The following ABCC3 variants were observed in gnomAD, a reference collection of about 807,000 sequenced individuals.
The protein encoded by ABCC3 is ATP-binding cassette sub-family C member 3.
A neutral mutation model predicts 165.3 loss-of-function variants in ABCC3; 121 were observed. That is an observed-to-expected ratio of 0.73 (90% CI 0.63 to 0.85). The LOEUF is 0.85. Ranked by LOEUF, ABCC3 falls within the 40% of genes least tolerant of loss-of-function variation. The pLI is 0.00. For synonymous variants in ABCC3, 733 were observed against 810.1 expected, an observed-to-expected ratio of 0.90 and a Z score of 1.62; for missense variants, 1,869 against 1,964.1, an observed-to-expected ratio of 0.95 and a Z score of 0.92.
chr17:50,646,693 G>C (rs1156431243), intron 1 of ABCC3, among the ~76,000 whole-genome samples: 1 of 152,206 alleles, frequency 6.6e-6, no homozygotes, highest in Admixed American at 6.5e-5. Context: ...GGAATCTGAA[G>C]GGAAGAGACC....
chr17:50,655,069 C>T (rs1967196331), intron 1 of ABCC3, among the ~76,000 whole-genome samples: 1 of 129,840 alleles, frequency 7.7e-6, no homozygotes, highest in Non-Finnish European at 1.6e-5. Flanking sequence ...CACTGCACTC[C>T]AGCCTGGGCG....
At chr17:50,674,022 C>T (rs796897977) in intron 19 of ABCC3, among the ~76,000 whole-genome samples, 1,340 of 6,898 alleles carry the variant, frequency 0.19, 525 homozygotes, top group Non-Finnish European at 0.28. Flanking sequence ...CTCTCTCTCT[C>T]TCTCTCTCTC....
intron 26 of ABCC3, among the ~76,000 whole-genome samples, chr17:50,680,784 C>G (rs1210401307): frequency 6.6e-6 from 1 of 152,124 alleles, no homozygotes; most frequent in African/African-American, 2.4e-5. Context: ...CACTTAAAAC[C>G]TTGCAGGAGG....
At chr17:50,673,911 T>TCTTTCTTC (rs1567835411) in intron 19 of ABCC3, among the ~76,000 whole-genome samples, 17 of 12,056 alleles carry the variant, frequency 1.4e-3, no homozygotes, top group African/African-American at 6.5e-3. Flanking sequence ...TTTCTTTCTT[T>TCTTTCTTC]CTTTCTTTCT....
rs752998974 is a variant in ABCC3 at position 50,679,845 on chromosome 17, A to G, written c.3753A>G (p.Glu1251=). The G allele has an allele frequency of 1.2e-6, 2 of 1,614,182 alleles. No homozygotes were observed. Among genetic ancestry groups the G allele is most frequent in the Non-Finnish European group, 8.5e-7 (1 of 1,180,036 alleles). The change falls in exon 26 of 31, where the codon GAA becomes GAG. Residue 1251 remains glutamate, a synonymous_variant. Coordinates refer to ENST00000285238, the MANE Select transcript of ABCC3 (RefSeq NM_003786.4). ...TGATACGAATGATGTCAGATTTGGAATCTAACATCGTGGCTGTGGAGAGGG... is the reference window on the plus strand; with the variant it reads ...TGATACGAATGATGTCAGATTTGGAGTCTAACATCGTGGCTGTGGAGAGGG... ...NWMIRMMSDL[E]SNIVAVERVK...
In ABCC3 at chr17:50,677,833, T is replaced by C. The variant is rs1057150659; in HGVS notation, c.3468T>C (p.Thr1156=). The change falls in exon 24 of 31, where the codon ACT becomes ACC. Residue 1156 remains threonine (T), a synonymous_variant. Coordinates refer to ENST00000285238, the MANE Select transcript of ABCC3 (RefSeq NM_003786.4). ...ACTCCCACTTTTCGGAGACAGTGACTGGTGCCAGTGTCATCCGGGCCTACA... is the reference window on the plus strand; with the variant it reads ...ACTCCCACTTTTCGGAGACAGTGACCGGTGCCAGTGTCATCCGGGCCTACA... ...PIYSHFSETV[T]GASVIRAYNR... is the part of the protein sequence containing the mutation. 13 of 1,614,042 alleles carry C rather than the reference T, an allele frequency of 8.1e-6. 1 individual carries two copies. The highest frequency in any genetic ancestry group is 3.3e-5 in the South Asian group (3 of 91,078).
intron 4 of ABCC3, among the ~76,000 whole-genome samples, 165 bp from the exon 5 acceptor site, chr17:50,657,917 G>C (rs915000232): frequency 7.2e-5 from 11 of 152,198 alleles, no homozygotes; most frequent in Non-Finnish European, 1.0e-4. Context: ...GAGCTCCCTT[G>C]TGATCCTTCC....
chr17:50,657,037 C>G lies in ABCC3; in HGVS notation c.349-9C>G. 1 of 1,612,520 alleles carries G rather than the reference C, an allele frequency of 6.2e-7. No individual in the cohort carries two copies. The highest frequency in any genetic ancestry group is 8.5e-7 in the Non-Finnish European group (1 of 1,179,212). ...GTTCTGCCCGGGCCTCCCTGCCCTC[C>G]CTGCACAGCTGCTGGCCACCCTGCT... On this transcript the variant is annotated splice_polypyrimidine_tract_variant and intron_variant, in intron 3 of 30. Coordinates refer to ENST00000285238, the MANE Select transcript of ABCC3 (RefSeq NM_003786.4).
chr17:50,672,374 T>G (rs1967667516), intron 17 of ABCC3, among the ~76,000 whole-genome samples: 1 of 152,230 alleles, frequency 6.6e-6, no homozygotes, highest in Non-Finnish European at 1.5e-5. Context: ...CTGAATGATA[T>G]TTCATTATAG....
At chr17:50,669,984 C>T (rs963606661) in intron 17 of ABCC3, among the ~76,000 whole-genome samples, 1 of 152,044 alleles carries the variant, frequency 6.6e-6, no homozygotes, top group African/African-American at 2.4e-5. Context: ...TTTTTAGAGA[C>T]AGCGTCTTGC....
intron 1 of ABCC3, chr17:50,643,725 G>T: frequency 2.3e-6 from 1 of 433,418 alleles, no homozygotes; most frequent in East Asian, 7.1e-5. Context: ...TTGACAAGTG[G>T]TAAAAAGAGG....
At chr17:50,640,704 G>T (rs969020539) in intron 1 of ABCC3, among the ~76,000 whole-genome samples, 2 of 152,168 alleles carry the variant, frequency 1.3e-5, no homozygotes, top group Non-Finnish European at 2.9e-5. Flanking sequence ...AATATTTTTA[G>T]TAGAGACAGC....
chr17:50,655,800 C>T, intron 1 of ABCC3, 32 bp from the exon 2 acceptor site: 1 of 1,604,360 alleles, frequency 6.2e-7, no homozygotes, highest in Non-Finnish European at 8.5e-7. Context: ...TGTGGGGCTG[C>T]CACAGCACTA....
At position 50,684,853 on chromosome 17, in the gene ABCC3, T is replaced by C. The variant is rs1339230106; in HGVS notation, c.4258T>C (p.Ser1420Pro). The C allele has an allele frequency of 6.2e-7, 1 of 1,614,088 alleles. No homozygotes were observed. The highest frequency in any genetic ancestry group is 8.5e-7 in the Non-Finnish European group (1 of 1,180,016). Residue 1420 changes from serine to proline, a missense_variant, in exon 29 of 31, where the codon TCA becomes CCA. Coordinates refer to ENST00000285238, the MANE Select transcript of ABCC3 (RefSeq NM_003786.4). ...GCCGGCAGGCCTGGACTTCCAGTGC[T>C]CAGAGGGCGGGGAGAATCTCAGGTA... ...SQPAGLDFQC[S>P]EGGENLSVGQ...
At chr17:50,673,990 C>T (rs1249491166) in intron 19 of ABCC3, among the ~76,000 whole-genome samples, 3,810 of 8,066 alleles carry the variant, frequency 0.47, 970 homozygotes, top group Non-Finnish European at 0.5. Flanking sequence ...CTCTCTCTCT[C>T]TCTCTCTCTC....
chr17:50,683,917 C>T (rs749488405), intron 27 of ABCC3, 32 bp from the exon 28 acceptor site: 5 of 1,604,950 alleles, frequency 3.1e-6, no homozygotes, highest in Middle Eastern at 1.7e-4. Flanking sequence ...CTCTCAGCTT[C>T]CCCCTCAGAG....
chr17:50,668,454 C>T lies in ABCC3; in HGVS notation c.1807C>T (p.Gln603Ter). 1 of 1,613,974 alleles carries T rather than the reference C, an allele frequency of 6.2e-7. No individual in the cohort carries two copies. Among genetic ancestry groups the T allele is most frequent in the South Asian group, 1.1e-5 (1 of 91,076 alleles). The change falls in exon 14 of 31, where the codon CAG (glutamine) becomes TAG (stop). Residue 603 changes from glutamine (Q) to a stop codon, truncating the protein, a stop_gained. Coordinates refer to ENST00000285238, the MANE Select transcript of ABCC3 (RefSeq NM_003786.4). LOFTEE classifies it high-confidence loss of function. ...TQASVSLKRI[Q>*]QFLSQEELDP... ...GGCCAGTGTGTCTCTGAAACGGATC[C>T]AGCAATTCCTGAGCCAAGAGGAACT...
chr17:50,645,217 G>T (rs982155246), intron 1 of ABCC3, among the ~76,000 whole-genome samples: 2 of 131,204 alleles, frequency 1.5e-5, no homozygotes, highest in African/African-American at 2.9e-5. Context: ...AAAAAAAAAA[G>T]AAAGAAATTA....
chr17:50,673,991 T>TTC, intron 19 of ABCC3, among the ~76,000 whole-genome samples: 1 of 7,024 alleles, frequency 1.4e-4, no homozygotes, highest in Non-Finnish European at 2.7e-4. Flanking sequence ...TCTCTCTCTC[T>TTC]CTCTCTCTCT....
Sources: gnomAD v4.1 joint callset for allele counts (sites outside exome capture counted in the v4.1 genomes callset) on GRCh38, gnomAD v4.1.1 for gene constraint, MANE v1.5 for transcripts, NCBI Gene and HGNC (gene_info 2026-07-23, HGNC 2026-07-21) for gene names.